Variants in NKAIN2 observed in about 807,000 individuals in gnomAD.
The protein encoded by NKAIN2 is sodium/potassium-transporting ATPase subunit beta-1-interacting protein 2.
NKAIN2 carries 14 observed loss-of-function variants against 32.6 expected under a neutral mutation model. That is an observed-to-expected ratio of 0.43 (90% CI 0.28 to 0.67). The LOEUF (loss-of-function observed/expected upper bound fraction) is 0.67, where lower values mean the gene tolerates loss of function less well. Among genes scored for constraint, NKAIN2 ranks in the 30% least tolerant of loss-of-function variants. NKAIN2 has a pLI of 0.17. For synonymous variants in NKAIN2, 80 were observed against 87.2 expected, an observed-to-expected ratio of 0.92 and a Z score of 0.46; for missense variants, 198 against 258.3, an observed-to-expected ratio of 0.77 and a Z score of 1.60.
chr6:123,851,496 C>G (rs981123188), intron 1 of NKAIN2, among the ~76,000 whole-genome samples: 1 of 151,558 alleles, frequency 6.6e-6, no homozygotes, highest in African/African-American at 2.4e-5. Context: ...GGTGATTCTC[C>G]CACGTCAGCC....
intron 3 of NKAIN2, among the ~76,000 whole-genome samples, chr6:124,470,319 C>T (rs568940461): frequency 1.7e-3 from 259 of 152,082 alleles, no homozygotes; most frequent in African/African-American, 5.9e-3. Flanking sequence ...TATATTAACT[C>T]AAGATAAATA....
Position 124,480,796 on chromosome 6 carries a change from T to C in NKAIN2, c.273+125449T>C, listed in dbSNP as rs999561184. ...AGAAAAGTGTAATATCTGAAATTGA[T>C]TGGCAGTGTTTGAAATTATTATCTG... is the stretch of plus-strand genomic sequence containing the variant. On this transcript the variant is annotated intron_variant, in intron 3 of 6. Coordinates refer to ENST00000368417, the MANE Select transcript of NKAIN2 (RefSeq NM_001040214.3). 2.6e-5 allele frequency among the ~76,000 whole-genome samples: 4 copies of C among 152,252 alleles called. No homozygotes were observed. The East Asian group carries it at 7.7e-4, about 29-fold the overall frequency.
intron 3 of NKAIN2, among the ~76,000 whole-genome samples, chr6:124,531,412 A>G (rs1779520444): frequency 6.6e-6 from 1 of 152,130 alleles, no homozygotes; most frequent in Admixed American, 6.5e-5. Context: ...GATCATAGTG[A>G]ATAATCATTT....
At chr6:124,431,763 A>AAC (rs770826244) in intron 3 of NKAIN2, among the ~76,000 whole-genome samples, 9 of 151,986 alleles carry the variant, frequency 5.9e-5, no homozygotes, top group Non-Finnish European at 7.4e-5. Flanking sequence ...AAGTGTTTGT[A>AAC]ACACACACAC....
intron 3 of NKAIN2, among the ~76,000 whole-genome samples, chr6:124,522,107 A>T (rs1187380175): frequency 1.3e-5 from 2 of 152,086 alleles, no homozygotes; most frequent in Non-Finnish European, 2.9e-5. Flanking sequence ...TGATGGTTTT[A>T]TCTGGAATAA....
intron 1 of NKAIN2, among the ~76,000 whole-genome samples, chr6:123,888,723 A>G (rs563068311): frequency 1.3e-5 from 2 of 152,280 alleles, no homozygotes; most frequent in African/African-American, 4.8e-5. Flanking sequence ...CTACCTAGTC[A>G]GCGGCCAAAT....
intron 3 of NKAIN2, among the ~76,000 whole-genome samples, chr6:124,367,069 T>C (rs989696993): frequency 1.2e-4 from 19 of 152,292 alleles, no homozygotes; most frequent in Non-Finnish European, 7.4e-5. Context: ...TTGTATTTGC[T>C]AAAAGACCAC....
intron 1 of NKAIN2, among the ~76,000 whole-genome samples, chr6:123,900,546 T>G (rs1471058087): frequency 2.0e-5 from 2 of 99,796 alleles, no homozygotes; most frequent in Middle Eastern, 3.9e-3. Flanking sequence ...TTTTTTTTTT[T>G]TTTTTTTTTT....
At chr6:124,425,639 G>T (rs1248339333) in intron 3 of NKAIN2, among the ~76,000 whole-genome samples, 1 of 151,990 alleles carries the variant, frequency 6.6e-6, no homozygotes, top group Non-Finnish European at 1.5e-5. Context: ...AATTGGCAAA[G>T]GACCTGAACA....
At chr6:124,740,038 G>C (rs1777128980) in intron 4 of NKAIN2, among the ~76,000 whole-genome samples, 1 of 151,772 alleles carries the variant, frequency 6.6e-6, no homozygotes, top group African/African-American at 2.4e-5. Flanking sequence ...TTAATGGCTG[G>C]TGCTTCCATT....
At position 124,360,257 on chromosome 6, in the gene NKAIN2, G is replaced by T. The variant is rs536271510; in HGVS notation, c.273+4910G>T. Among the ~76,000 whole-genome samples the T allele has an allele frequency of 6.8e-4, 104 of 152,224 alleles. 1 individual carries two copies. The highest frequency in any genetic ancestry group is 1.7e-3 in the African/African-American group (69 of 41,518). ...TCTTTTTTGGTTGTGTCTCTGCCAG[G>T]CTTTGGTATCAGGATGATGCTGGCC... On this transcript the variant is annotated intron_variant, in intron 3 of 6. Coordinates refer to ENST00000368417, the MANE Select transcript of NKAIN2 (RefSeq NM_001040214.3).
intron 1 of NKAIN2, among the ~76,000 whole-genome samples, chr6:123,927,353 A>G (rs1209192507): frequency 6.6e-6 from 1 of 152,200 alleles, no homozygotes; most frequent in Non-Finnish European, 1.5e-5. Context: ...GGAATTCCAT[A>G]TCTTGGCAGA....
intron 4 of NKAIN2, among the ~76,000 whole-genome samples, chr6:124,709,652 G>A (rs1040950548): frequency 4.0e-5 from 6 of 150,432 alleles, no homozygotes; most frequent in Non-Finnish European, 1.5e-5. Flanking sequence ...ATTCTCTGAT[G>A]GTAGTTTGTA....
At chr6:124,351,676 A>G (rs1209300796) in intron 2 of NKAIN2, among the ~76,000 whole-genome samples, 4 of 151,830 alleles carry the variant, frequency 2.6e-5, no homozygotes, top group Non-Finnish European at 5.9e-5. Context: ...GGCTGGAGTG[A>G]AGTGGTGCGA....
intron 1 of NKAIN2, among the ~76,000 whole-genome samples, chr6:124,045,409 A>T (rs1229808526): frequency 1.3e-5 from 2 of 152,004 alleles, no homozygotes; most frequent in Non-Finnish European, 2.9e-5. Context: ...TATGAAAATT[A>T]TATAGTGCGA....
chr6:124,023,982 A>G (rs983922171), intron 1 of NKAIN2, among the ~76,000 whole-genome samples: 1 of 152,198 alleles, frequency 6.6e-6, no homozygotes, highest in Non-Finnish European at 1.5e-5. Flanking sequence ...GTGATAGAAC[A>G]AAGCATCCTT....
At chr6:124,249,412 T>A (rs1393307768) in intron 1 of NKAIN2, among the ~76,000 whole-genome samples, 1 of 152,168 alleles carries the variant, frequency 6.6e-6, no homozygotes, top group Non-Finnish European at 1.5e-5. Flanking sequence ...TGGGGGGTAG[T>A]CATATGAATC....
chr6:123,873,925 CTGTT>C (rs1448515927), intron 1 of NKAIN2, among the ~76,000 whole-genome samples: 2 of 149,314 alleles, frequency 1.3e-5, no homozygotes, highest in African/African-American at 2.6e-5. Flanking sequence ...TGCCCTTTTC[CTGTT>C]TGTTTATTTA....
At chr6:123,949,619 A>G (rs1777232000) in intron 1 of NKAIN2, among the ~76,000 whole-genome samples, 1 of 152,016 alleles carries the variant, frequency 6.6e-6, no homozygotes, top group African/African-American at 2.4e-5. Flanking sequence ...ATTGATGTAT[A>G]AAAATGCTAC....
Sources: gnomAD v4.1 joint callset for allele counts (sites outside exome capture counted in the v4.1 genomes callset) on GRCh38, gnomAD v4.1.1 for gene constraint, MANE v1.5 for transcripts, NCBI Gene and HGNC (gene_info 2026-07-23, HGNC 2026-07-21) for gene names.